Variants in CFAP95 observed in about 807,000 individuals in gnomAD.
CFAP95 encodes the protein cilia- and flagella-associated protein 95.
At chr9:69,863,610 T>C in the CFAP95 span, among the ~76,000 whole-genome samples, 2 of 152,212 alleles carry the variant, frequency 1.3e-5, no homozygotes, top group African/African-American at 2.4e-5. Context: ...TAGAACCAGA[T>C]GATTGTAGCT....
At chr9:69,888,885 G>GGA in the CFAP95 span, among the ~76,000 whole-genome samples, 25 of 148,860 alleles carry the variant, frequency 1.7e-4, no homozygotes, top group East Asian at 1.4e-3. Flanking sequence ...CTCAAAAAGG[G>GGA]AAAAAAAAAA....
chr9:69,860,812 G>T, the CFAP95 span, among the ~76,000 whole-genome samples: 2 of 151,980 alleles, frequency 1.3e-5, no homozygotes, highest in East Asian at 1.9e-4. Flanking sequence ...ACAGGGTCCG[G>T]ATCATCAATA....
the CFAP95 span, among the ~76,000 whole-genome samples, chr9:69,878,916 G>A: frequency 6.6e-6 from 1 of 152,148 alleles, no homozygotes; most frequent in Admixed American, 6.5e-5. Flanking sequence ...AGGGGGAGCA[G>A]GCACATCGCA....
chr9:69,895,165 A>T, the CFAP95 span, among the ~76,000 whole-genome samples: 1 of 152,194 alleles, frequency 6.6e-6, no homozygotes, highest in African/African-American at 2.4e-5. Flanking sequence ...TTTAGTAAAG[A>T]TTATTCCAAA....
At chr9:69,827,998 A>T in the CFAP95 span, among the ~76,000 whole-genome samples, 1 of 152,210 alleles carries the variant, frequency 6.6e-6, no homozygotes, top group Non-Finnish European at 1.5e-5. Flanking sequence ...CCCCTCTTTT[A>T]GTTTCTAAAG....
At chr9:69,890,197 T>C in the CFAP95 span, among the ~76,000 whole-genome samples, 2 of 152,196 alleles carry the variant, frequency 1.3e-5, no homozygotes, top group African/African-American at 4.8e-5. Flanking sequence ...GGACTAAATA[T>C]TATAAATATA....
chr9:69,840,048 G>T, the CFAP95 span, among the ~76,000 whole-genome samples: 555 of 149,564 alleles, frequency 3.7e-3, 5 homozygotes, highest in African/African-American at 0.013. Flanking sequence ...TTGCACTCTA[G>T]CCTGGGCAAC....
At chr9:69,844,576 A>T in the CFAP95 span, 1 of 1,613,600 alleles carries the variant, frequency 6.2e-7, no homozygotes. Context: ...GAGAAAGTTA[A>T]AAAACTGTGT....
the CFAP95 span, among the ~76,000 whole-genome samples, chr9:69,889,831 ATAGT>A: frequency 4.6e-5 from 7 of 152,270 alleles, no homozygotes; most frequent in Non-Finnish European, 7.4e-5. Context: ...ATCTCCATAG[ATAGT>A]TCTTAGTGTC....
At chr9:69,873,572 A>G in the CFAP95 span, among the ~76,000 whole-genome samples, 1 of 152,162 alleles carries the variant, frequency 6.6e-6, no homozygotes, top group East Asian at 1.9e-4. Flanking sequence ...CGCTGTGGCT[A>G]TATTTATCTT....
chr9:69,843,514 TC>T, the CFAP95 span, among the ~76,000 whole-genome samples: 11 of 1,454 alleles, frequency 7.6e-3, 1 homozygote, highest in Non-Finnish European at 8.9e-3. Context: ...CCCCTCCTCC[TC>T]CTCCTCCTCC....
At chr9:69,880,923 C>T in the CFAP95 span, among the ~76,000 whole-genome samples, 1 of 152,120 alleles carries the variant, frequency 6.6e-6, no homozygotes, top group Non-Finnish European at 1.5e-5. Context: ...ATGTTGAGCA[C>T]CTTTTCATAT....
At chr9:69,849,913 C>G in the CFAP95 span, among the ~76,000 whole-genome samples, 1 of 152,164 alleles carries the variant, frequency 6.6e-6, no homozygotes, top group Non-Finnish European at 1.5e-5. Context: ...GGACTTTATT[C>G]AGGTGCTACA....
At chr9:69,857,700 G>A in the CFAP95 span, among the ~76,000 whole-genome samples, 2 of 151,958 alleles carry the variant, frequency 1.3e-5, no homozygotes, top group African/African-American at 4.8e-5. Flanking sequence ...AATTTTTTTT[G>A]TATTTTTAGT....
chr9:69,850,684 G>A, the CFAP95 span, among the ~76,000 whole-genome samples: 1 of 152,178 alleles, frequency 6.6e-6, no homozygotes, highest in Non-Finnish European at 1.5e-5. Context: ...TGGATCAAAT[G>A]TTTATAAATG....
chr9:69,875,017 C>T, the CFAP95 span, among the ~76,000 whole-genome samples: 2 of 152,162 alleles, frequency 1.3e-5, no homozygotes, highest in South Asian at 2.1e-4. Context: ...GTTTTTCTGA[C>T]CTCTTGCTTC....
chr9:69,851,845 G>T, the CFAP95 span, among the ~76,000 whole-genome samples: 13 of 149,182 alleles, frequency 8.7e-5, 1 homozygote, highest in African/African-American at 2.5e-4. Flanking sequence ...TTCAGCATGG[G>T]TAACAGTGAG....
the CFAP95 span, chr9:69,886,951 C>T: frequency 6.6e-6 from 9 of 1,360,490 alleles, no homozygotes; most frequent in South Asian, 8.5e-5. Context: ...TGATTATTTG[C>T]ACCTAGTATA....
chr9:69,852,182 A>G, the CFAP95 span, among the ~76,000 whole-genome samples: 4 of 150,588 alleles, frequency 2.7e-5, no homozygotes, highest in African/African-American at 9.7e-5. Context: ...TTTTTTTGGC[A>G]ACGGTGCAGA....
Sources: gnomAD v4.1 joint callset for allele counts (sites outside exome capture counted in the v4.1 genomes callset) on GRCh38, gnomAD v4.1.1 for gene constraint, MANE v1.5 for transcripts, NCBI Gene and HGNC (gene_info 2026-07-23, HGNC 2026-07-21) for gene names.